Variants in FILIP1 observed in about 807,000 individuals in gnomAD.
FILIP1 encodes the protein filamin A interacting protein 1, also known as filamin-A-interacting protein 1.
FILIP1 carries 61 observed loss-of-function variants against 102.1 expected under a neutral mutation model. The ratio of observed to expected loss-of-function variants is 0.60; its 90% confidence interval spans 0.49 to 0.74. FILIP1 has a LOEUF of 0.74. Ranked by LOEUF, FILIP1 falls within the 30% of genes least tolerant of loss-of-function variation. FILIP1 has a pLI of 0.00. For synonymous variants in FILIP1, 491 were observed against 526.9 expected, an observed-to-expected ratio of 0.93 and a Z score of 0.93; for missense variants, 1,314 against 1,441.2, an observed-to-expected ratio of 0.91 and a Z score of 1.43.
chr6:75,444,062 A>C (rs1000432170), intron 1 of FILIP1, among the ~76,000 whole-genome samples: 1 of 152,216 alleles, frequency 6.6e-6, no homozygotes. Flanking sequence ...AAAGGCAAAT[A>C]ATGGTAAACA....
chr6:75,475,880 A>G (rs1309125675), intron 1 of FILIP1, among the ~76,000 whole-genome samples: 1 of 152,198 alleles, frequency 6.6e-6, no homozygotes, highest in Admixed American at 6.5e-5. Flanking sequence ...GAAGCACTCA[A>G]TAAAAGTAAC....
intron 4 of FILIP1, chr6:75,319,535 T>C (rs1773568802): frequency 2.5e-5 from 14 of 562,238 alleles, no homozygotes; most frequent in South Asian, 1.8e-4. Context: ...TGAGCACTTC[T>C]TAGAAAACTC....
intron 1 of FILIP1, among the ~76,000 whole-genome samples, chr6:75,470,606 G>A (rs1779300616): frequency 6.6e-6 from 1 of 152,126 alleles, no homozygotes; most frequent in African/African-American, 2.4e-5. Flanking sequence ...GAACACATAT[G>A]TTGATGAAAT....
At chr6:75,419,260 T>C (rs998889484) in intron 1 of FILIP1, among the ~76,000 whole-genome samples, 7 of 152,154 alleles carry the variant, frequency 4.6e-5, no homozygotes, top group African/African-American at 1.7e-4. Context: ...CTTTCCAGAT[T>C]TGTATTTTTG....
At chr6:75,296,475 T>TTTTTTTATTA (rs565379089) in intron 6 of FILIP1, 3 of 140,396 alleles carry the variant, frequency 2.1e-5, no homozygotes, top group Admixed American at 7.1e-5. Context: ...ACTCTATATG[T>TTTTTTTATTA]TTATTATTAT....
At chr6:75,342,959 C>A (rs1009010965) in intron 4 of FILIP1, among the ~76,000 whole-genome samples, 3 of 152,170 alleles carry the variant, frequency 2.0e-5, no homozygotes. Flanking sequence ...CCTTTCTCTT[C>A]GACAAAGACT....
chr6:75,302,828 TATG>T (rs1321068911), intron 6 of FILIP1, among the ~76,000 whole-genome samples: 3 of 93,522 alleles, frequency 3.2e-5, no homozygotes, highest in African/African-American at 1.0e-4. Context: ...TATGACATGA[TATG>T]ATATGATATG....
chr6:75,469,663 T>A (rs1334716274), intron 1 of FILIP1, among the ~76,000 whole-genome samples: 1 of 152,066 alleles, frequency 6.6e-6, no homozygotes, highest in Admixed American at 6.5e-5. Context: ...AATTGCTAAA[T>A]AAAATACTAG....
intron 1 of FILIP1, among the ~76,000 whole-genome samples, chr6:75,484,564 C>CCCTCTCAGG (rs1779732283): frequency 6.6e-6 from 1 of 152,184 alleles, no homozygotes; most frequent in South Asian, 2.1e-4. Context: ...TACTTGGGCA[C>CCCTCTCAGG]CCTCTCAGGC....
At chr6:75,345,823 C>T (rs893485176) in intron 4 of FILIP1, among the ~76,000 whole-genome samples, 4 of 152,126 alleles carry the variant, frequency 2.6e-5, no homozygotes, top group African/African-American at 9.7e-5. Context: ...CACATGTGTC[C>T]ATGTCCTTAA....
At position 75,313,580 on chromosome 6, in the gene FILIP1, A is replaced by C. The variant is rs781231109; in HGVS notation, c.2252T>G (p.Leu751Arg). ...TTCTTCTTCCATAAATCTTTGTTGA[A>C]GTACAGAATAATCTACCTGGAGCTG... ...LSQLQVDYSV[L>R]QQRFMEEENK... The change falls in exon 5 of 6, where the codon CTT (leucine) becomes CGT (arginine). Residue 751 changes from leucine to arginine, a missense_variant. Leu to Arg is a moderately radical substitution (Grantham distance 102). This residue lies in a region of FILIP1 where 816 missense variants were observed against 913.1 expected (regional missense o/e 0.89). Coordinates refer to ENST00000237172, the MANE Select transcript of FILIP1 (RefSeq NM_015687.5). This position sits in a 1 kb window ranked among gnomAD's most constrained non-coding sequence, Gnocchi z 4.2. 1.9e-6 allele frequency: 3 copies of C among 1,613,940 alleles called. No individual in the cohort carries two copies. Among genetic ancestry groups the C allele is most frequent in the Non-Finnish European group, 2.5e-6 (3 of 1,180,006 alleles).
intron 3 of FILIP1, among the ~76,000 whole-genome samples, chr6:75,356,120 C>T (rs1265847840): frequency 6.6e-6 from 1 of 152,234 alleles, no homozygotes; most frequent in Non-Finnish European, 1.5e-5. Flanking sequence ...TATTTAAAAT[C>T]AGTTCTCAAT....
At chr6:75,489,483 A>T (rs1388689279) in intron 1 of FILIP1, among the ~76,000 whole-genome samples, 6 of 152,258 alleles carry the variant, frequency 3.9e-5, no homozygotes, top group Non-Finnish European at 8.8e-5. Context: ...ACAAATAACT[A>T]TATTTAAGGT....
At chr6:75,319,336 G>A (rs1223566859) in intron 4 of FILIP1, 3 of 642,818 alleles carry the variant, frequency 4.7e-6, no homozygotes, top group Admixed American at 1.9e-5. Flanking sequence ...ATTTTTGGGC[G>A]ATACTCAGAG....
intron 1 of FILIP1, among the ~76,000 whole-genome samples, chr6:75,439,193 C>T (rs932468326): frequency 9.9e-5 from 15 of 152,094 alleles, no homozygotes; most frequent in Admixed American, 8.5e-4. Flanking sequence ...GGTGAAACCC[C>T]ATCTCTACTA....
rs1236038310 is a variant in FILIP1, at chr6:75,314,410, C to T, written c.1422G>A (p.Lys474=). 3 of 1,545,634 alleles carry T rather than the reference C, an allele frequency of 1.9e-6. No individual in the cohort carries two copies. Among genetic ancestry groups the T allele is most frequent in the Non-Finnish European group, 2.6e-6 (3 of 1,154,266 alleles). Residue 474 remains lysine (K), a synonymous_variant, in exon 5 of 6, where the codon AAG becomes AAA. Transcript: ENST00000237172. ...AACATTCCAATTCTTTAACTCGACT[C>T]TTGACCACCTCCAATTCATTTAGCA... ...KDLLNELEVV[K]SRVKELECSE... is the part of the protein sequence containing the mutation.
intron 4 of FILIP1, among the ~76,000 whole-genome samples, chr6:75,318,893 A>C (rs968023037): frequency 1.3e-5 from 2 of 148,956 alleles, no homozygotes; most frequent in Admixed American, 6.7e-5. Context: ...TTAACTATAC[A>C]AAAAAAAAAG....
At chr6:75,311,815 A>C (rs529280542) in intron 5 of FILIP1, among the ~76,000 whole-genome samples, 3 of 152,346 alleles carry the variant, frequency 2.0e-5, no homozygotes, top group African/African-American at 7.2e-5. Context: ...TTATTAAATA[A>C]ATATTTATGA....
chr6:75,366,275 T>C lies in FILIP1; in HGVS notation c.277-3358A>G, dbSNP rs139734369. 3.7e-3 allele frequency among the ~76,000 whole-genome samples: 560 copies of C among 152,334 alleles called. 1 individual carries two copies. Among genetic ancestry groups the C allele is most frequent in the African/African-American group, 0.013 (537 of 41,574 alleles). ...AGTTATGGATAAAGGTAATCAGAAA[T>C]TGGCTCTCAAATGTAAACTGTATCA... On this transcript the variant is annotated intron_variant, in intron 2 of 5. Coordinates refer to ENST00000237172, the MANE Select transcript of FILIP1 (RefSeq NM_015687.5).
Sources: allele counts gnomAD v4.1 joint callset (sites outside exome capture counted in the v4.1 genomes callset), GRCh38; gene constraint gnomAD v4.1.1; regional missense constraint gnomAD v4.1.1; non-coding constraint Gnocchi (gnomAD v3.1); transcripts MANE v1.5; gene names NCBI Gene and HGNC (gene_info 2026-07-23, HGNC 2026-07-21).